SLC2A8: variants seen among roughly 807,000 people sequenced by gnomAD.
SLC2A8 encodes the protein solute carrier family 2, facilitated glucose transporter member 8.
SLC2A8 carries 53 observed loss-of-function variants against 49.2 expected under a neutral mutation model. The ratio of observed to expected loss-of-function variants is 1.08; its 90% CI spans 0.86 to 1.35. SLC2A8 has a LOEUF of 1.35. SLC2A8 is among the 40% of genes most tolerant of loss of function. The pLI, the probability that SLC2A8 is intolerant of heterozygous loss-of-function variation, is 0.00. For missense variants in SLC2A8, 688 were observed against 671.7 expected (o/e 1.02, Z -0.27); for synonymous variants, 299 against 297.0 (o/e 1.01, Z -0.07).
At position 127,405,515 on chromosome 9, in the gene SLC2A8, A is replaced by C; in HGVS notation, c.1246A>C (p.Thr416Pro). ...KGVATGICVL[T>P]NWLMAFLVTK... ...CGTGGCGACAGGCATCTGCGTCCTC[A>C]CCAACTGGCTCATGGCCTTTCTCGT... Residue 416 changes from threonine to proline, a missense_variant, in exon 9 of 10, where the codon ACC (threonine) becomes CCC (proline). Thr to Pro is a conservative substitution (Grantham distance 38). Transcript: ENST00000373371. The C allele has an allele frequency of 1.2e-6, 2 of 1,613,198 alleles. No homozygotes were observed. Among genetic ancestry groups the C allele is most frequent in the Non-Finnish European group, 1.7e-6 (2 of 1,180,000 alleles).
At chr9:127,404,279 G>A (rs912984702) in intron 7 of SLC2A8, 2 of 493,030 alleles carry the variant, frequency 4.1e-6, no homozygotes, top group Non-Finnish European at 7.2e-6. Context: ...CCTCTGTGGT[G>A]AACCCACCAG....
At chr9:127,400,158 AG>A (rs1833221175) in intron 4 of SLC2A8, 152 bp downstream of exon 4, 5 of 355,180 alleles carry the variant, frequency 1.4e-5, no homozygotes, top group Middle Eastern at 8.2e-4. Context: ...ACCTTGGGAT[AG>A]GTGAGTCTTT....
At chr9:127,404,232 T>C in intron 7 of SLC2A8, 165 bp downstream of exon 7, 1 of 579,900 alleles carries the variant, frequency 1.7e-6, no homozygotes, top group Non-Finnish European at 3.0e-6. Flanking sequence ...ACTGCAGGCC[T>C]GTCCATGCCA....
chr9:127,403,530 G>A (rs533537465), intron 5 of SLC2A8, 130 bp from the exon 6 acceptor site: 2 of 1,053,526 alleles, frequency 1.9e-6, no homozygotes. Context: ...GAGGACACAG[G>A]GGGTGCTGGG....
chr9:127,404,369 T>C, intron 7 of SLC2A8: 2 of 351,736 alleles, frequency 5.7e-6, no homozygotes, highest in Non-Finnish European at 1.0e-5. Context: ...TTGTGGGTCC[T>C]TTTGGACAAG....
chr9:127,397,641 T>C, intron 2 of SLC2A8, 103 bp downstream of exon 2: 1 of 1,318,610 alleles, frequency 7.6e-7, no homozygotes, highest in Non-Finnish European at 9.7e-7. Flanking sequence ...GGGACAGGCA[T>C]CGGGCCCCGC....
chr9:127,399,959 G>A lies in SLC2A8; in HGVS notation c.479G>A (p.Cys160Tyr), dbSNP rs1168756210. 1.9e-6 allele frequency: 3 copies of A among 1,613,714 alleles called. No individual in the cohort carries two copies. The highest frequency in any genetic ancestry group is 2.2e-5 in the East Asian group (1 of 44,862). The change falls in exon 4 of 10, where the codon TGT becomes TAT. Residue 160 changes from cysteine to tyrosine, a missense_variant. By Grantham distance (194) the Cys-to-Tyr change is radical (BLOSUM62 -2). Coordinates refer to ENST00000373371, the MANE Select transcript of SLC2A8 (RefSeq NM_014580.5). This position sits in a 1 kb window ranked among gnomAD's most constrained non-coding sequence, Gnocchi z 4.2. Reference protein sequence around the residue: ...YPAVRGLLGSCVQLMVVVGIL... With the variant: ...YPAVRGLLGSYVQLMVVVGIL... ...GCAGTCCGGGGGTTGCTCGGCTCCTGTGTGCAGCTAATGGTCGTCGTCGGC... is the reference window on the plus strand; with the variant it reads ...GCAGTCCGGGGGTTGCTCGGCTCCTATGTGCAGCTAATGGTCGTCGTCGGC...
chr9:127,403,839 C>A, intron 6 of SLC2A8, 36 bp downstream of exon 6: 1 of 1,606,650 alleles, frequency 6.2e-7, no homozygotes, highest in South Asian at 1.1e-5. Context: ...TCGTCCAGCC[C>A]CCACATAGAT....
chr9:127,404,692 G>C (rs993065741), intron 7 of SLC2A8, 126 bp from the exon 8 acceptor site: 30 of 1,138,178 alleles, frequency 2.6e-5, no homozygotes, highest in Non-Finnish European at 3.4e-5. Flanking sequence ...CGGCCAAGGT[G>C]CCAGAACACC....
At chr9:127,397,307 G>T (rs1833058968) in intron 1 of SLC2A8, 21 bp downstream of exon 1, 1 of 1,381,018 alleles carries the variant, frequency 7.2e-7, no homozygotes. Flanking sequence ...GGGAACCCGG[G>T]CCCGGATGCG....
At position 127,404,759 on chromosome 9, in the gene SLC2A8, C is replaced by G. The variant is rs1428783036; in HGVS notation, c.977-59C>G. 4 of 1,548,584 alleles carry G rather than the reference C, an allele frequency of 2.6e-6. No homozygotes were observed. The African/African-American group carries it at 4.1e-5, about 16-fold the overall frequency. On this transcript the variant is annotated intron_variant, in intron 7 of 9. Coordinates refer to ENST00000373371, the MANE Select transcript of SLC2A8 (RefSeq NM_014580.5). ...CCCTCTCAGAGGCATCCAGGCCATGCTGCTGCGCCCTGGGCCGTTCCCCGG... is the reference window on the plus strand; with the variant it reads ...CCCTCTCAGAGGCATCCAGGCCATGGTGCTGCGCCCTGGGCCGTTCCCCGG...
Position 127,403,721 on chromosome 9 carries a change from C to T in SLC2A8, c.785C>T (p.Ser262Phe), listed in dbSNP as rs768986211. 3 of 1,613,158 alleles carry T rather than the reference C, an allele frequency of 1.9e-6. No homozygotes were observed. Among genetic ancestry groups the T allele is most frequent in the Non-Finnish European group, 1.7e-6 (2 of 1,179,966 alleles). ...TACAAGCCCTTCATCATCGGCGTCTCCCTGATGGCCTTCCAGCAGCTGTCG... is the reference window on the plus strand; with the variant it reads ...TACAAGCCCTTCATCATCGGCGTCTTCCTGATGGCCTTCCAGCAGCTGTCG... ...GIYKPFIIGVSLMAFQQLSGV... is the reference protein window; with the variant it reads ...GIYKPFIIGVFLMAFQQLSGV... The change falls in exon 6 of 10, where the codon TCC becomes TTC. Residue 262 changes from serine to phenylalanine, a missense_variant. Coordinates refer to ENST00000373371, the MANE Select transcript of SLC2A8 (RefSeq NM_014580.5).
intron 2 of SLC2A8, 116 bp from the exon 3 acceptor site, chr9:127,397,789 C>A: frequency 6.7e-6 from 8 of 1,185,610 alleles, no homozygotes; most frequent in Non-Finnish European, 9.1e-6. Flanking sequence ...CTACCCCTCC[C>A]CTCGGGACGG....
chr9:127,404,556 G>T, intron 7 of SLC2A8: 1 of 492,812 alleles, frequency 2.0e-6, no homozygotes, highest in Non-Finnish European at 3.6e-6. Context: ...TCGGGGCTGA[G>T]GGTTACTCGC....
rs1833101094 is a variant in SLC2A8 at position 127,397,893 on chromosome 9, G to T, written c.220-12G>T. ...CTTCGGCGCCCCCTCCTCAGCAGCC[G>T]CCCGCCTCCAGGCTGTCGTGACCCT... On this transcript the variant is annotated splice_polypyrimidine_tract_variant and intron_variant, in intron 2 of 9. Coordinates refer to ENST00000373371, the MANE Select transcript of SLC2A8 (RefSeq NM_014580.5). 5 of 1,475,444 alleles carry T rather than the reference G, an allele frequency of 3.4e-6. No individual in the cohort carries two copies. The highest frequency in any genetic ancestry group is 1.4e-5 in the African/African-American group (1 of 69,868). 91.4% of individuals were successfully genotyped at this position (1,475,444 alleles called of 1,614,324 possible). A position where few individuals can be genotyped will look rare whatever the true frequency, so the allele number is the denominator to read the frequency against.
chr9:127,405,963 G>C (rs1013177556), intron 9 of SLC2A8: 1 of 529,692 alleles, frequency 1.9e-6, no homozygotes, highest in Non-Finnish European at 3.7e-6. Context: ...CGCTTCTTTG[G>C]CTGAAACTGG....
chr9:127,404,006 C>A lies in SLC2A8; in HGVS notation c.915C>A (p.Phe305Leu). 1 of 1,608,634 alleles carries A rather than the reference C, an allele frequency of 6.2e-7. No individual in the cohort carries two copies. Among genetic ancestry groups the A allele is most frequent in the East Asian group, 2.2e-5 (1 of 44,674 alleles). Reference protein sequence around the residue: ...SVVVGVIQVLFTAVAALIMDR... With the variant: ...SVVVGVIQVLLTAVAALIMDR... ...TCGTGGGTGTCATCCAGGTGCTGTT[C>A]ACAGCTGTGGCGGCTCTCATCATGG... Residue 305 changes from phenylalanine to leucine, a missense_variant, in exon 7 of 10, where the codon TTC becomes TTA. Phe to Leu is a conservative substitution (Grantham distance 22). Transcript: ENST00000373371.
Position 127,399,566 on chromosome 9 carries a change from CTTT to C in SLC2A8, c.427-326_427-324del, listed in dbSNP as rs35116441. Among the ~76,000 whole-genome samples the C allele has an allele frequency of 1.4e-5, 2 of 140,634 alleles. No homozygotes were observed. Among genetic ancestry groups the C allele is most frequent in the Admixed American group, 7.1e-5 (1 of 14,134 alleles). 92.3% of individuals were successfully genotyped at this position (140,634 alleles called of 152,430 possible). A position where few individuals can be genotyped will look rare whatever the true frequency, so the allele number is the denominator to read the frequency against. ...TCTTGGAGCCTGAGTAAAGCCTCAT[CTTT>C]TTTTTTTTTTTTTTAATTTTTATTT... On this transcript the variant is annotated intron_variant, in intron 3 of 9. Transcript: ENST00000373371. This position sits in a 1 kb window ranked among gnomAD's most constrained non-coding sequence, Gnocchi z 4.2.
At position 127,403,801 on chromosome 9, in the gene SLC2A8, A is replaced by G; in HGVS notation, c.865A>G (p.Lys289Glu). 1 of 1,612,292 alleles carries G rather than the reference A, an allele frequency of 6.2e-7. No homozygotes were observed. Among genetic ancestry groups the G allele is most frequent in the Non-Finnish European group, 8.5e-7 (1 of 1,179,432 alleles). Residue 289 changes from lysine to glutamate, a missense_variant and splice_region_variant, in exon 6 of 10, where the codon AAG becomes GAG. Coordinates refer to ENST00000373371, the MANE Select transcript of SLC2A8 (RefSeq NM_014580.5). ...AETIFEEAKFKDSSLASVVVG... is the reference protein window; with the variant it reads ...AETIFEEAKFEDSSLASVVVG... ...GACCATCTTTGAAGAGGCCAAGTTC[A>G]AGGTAAAAGGGCCCTGCCTGGCCTG...
Sources: allele counts gnomAD v4.1 joint callset (sites outside exome capture counted in the v4.1 genomes callset), GRCh38; gene constraint gnomAD v4.1.1; non-coding constraint Gnocchi (gnomAD v3.1); transcripts MANE v1.5; gene names NCBI Gene and HGNC (gene_info 2026-07-23, HGNC 2026-07-21).